SPTBN4: variants seen among roughly 807,000 people sequenced by gnomAD.
The protein encoded by SPTBN4 is spectrin beta, non-erythrocytic 4, also known as spectrin beta chain, non-erythrocytic 4.
A neutral mutation model predicts 277.8 loss-of-function variants in SPTBN4; 96 were observed. The observed-to-expected ratio is 0.35, with a 90% CI of 0.29 to 0.41. The LOEUF (loss-of-function observed/expected upper bound fraction) is 0.41, where lower values mean the gene tolerates loss of function less well. Ranked by LOEUF, SPTBN4 falls within the 10% of genes least tolerant of loss-of-function variation. SPTBN4 has a pLI of 1.00. For missense variants in SPTBN4, 3,006 were observed against 3,595.7 expected (o/e 0.84, Z 4.19); for synonymous variants, 1,481 against 1,580.3 (o/e 0.94, Z 1.49).
intron 20 of SPTBN4, among the ~76,000 whole-genome samples, chr19:40,537,617 G>A (rs1357681554): frequency 1.3e-5 from 2 of 152,054 alleles, no homozygotes; most frequent in Non-Finnish European, 2.9e-5. Context: ...GCCCCATGAG[G>A]GAGGTCCTGT....
At position 40,502,365 on chromosome 19, in the gene SPTBN4, G is replaced by A. The variant is rs759286474; in HGVS notation, c.1086-25G>A. On this transcript the variant is annotated intron_variant, in intron 9 of 35. Coordinates refer to ENST00000598249, the MANE Select transcript of SPTBN4 (RefSeq NM_020971.3). The surrounding 1 kb of genome is among the most constrained non-coding windows in gnomAD (Gnocchi z 4.9). Reference sequence around the variant, plus strand: ...GTGGGCAGGGGTGGCATGACGGCAGGGCTCCTGAGCTCATGCCCCTTCAGG... The same window carrying A: ...GTGGGCAGGGGTGGCATGACGGCAGAGCTCCTGAGCTCATGCCCCTTCAGG... 6.2e-7 allele frequency: 1 copy of A among 1,609,578 alleles called. No individual in the cohort carries two copies. The highest frequency in any genetic ancestry group is 8.5e-7 in the Non-Finnish European group (1 of 1,177,376).
chr19:40,492,883 C>A, intron 4 of SPTBN4, 80 bp from the exon 5 acceptor site: 1 of 1,265,004 alleles, frequency 7.9e-7, no homozygotes, highest in Non-Finnish European at 1.1e-6. Flanking sequence ...GCCACCTTCT[C>A]TGGTAGCAGA....
At position 40,513,128 on chromosome 19, in the gene SPTBN4, C is replaced by T; in HGVS notation, c.2339C>T (p.Ala780Val). 6.7e-7 allele frequency: 1 copy of T among 1,487,004 alleles called. No homozygotes were observed. Among genetic ancestry groups the T allele is most frequent in the Non-Finnish European group, 8.9e-7 (1 of 1,127,618 alleles). 92.1% of individuals were successfully genotyped at this position (1,487,004 alleles called of 1,614,324 possible). A position where few individuals can be genotyped will look rare whatever the true frequency, so the allele number is the denominator to read the frequency against. ...QEARALHQFG[A>V]DLDGLLDWLR... is the part of the protein sequence containing the mutation. ...GCGCGGGCGCTGCACCAGTTCGGCG[C>T]TGACCTCGACGGGCTGCTGGACTGG... Residue 780 changes from alanine (A) to valine (V), a missense_variant, in exon 14 of 36, where the codon GCT becomes GTT. Coordinates refer to ENST00000598249, the MANE Select transcript of SPTBN4 (RefSeq NM_020971.3).
chr19:40,508,236 T>C (rs979144911), intron 13 of SPTBN4, among the ~76,000 whole-genome samples: 6 of 152,192 alleles, frequency 3.9e-5, no homozygotes, highest in African/African-American at 1.4e-4. Flanking sequence ...TGGATGCTGA[T>C]AGGCAAAACC....
chr19:40,483,840 T>C (rs565154068), intron 2 of SPTBN4, among the ~76,000 whole-genome samples: 2 of 152,314 alleles, frequency 1.3e-5, no homozygotes, highest in African/African-American at 4.8e-5. Flanking sequence ...TCTGTACTAA[T>C]AACTGGCCAG....
At position 40,554,470 on chromosome 19, in the gene SPTBN4, C is replaced by T. The variant is rs2080954565; in HGVS notation, c.4953+45C>T. Reference sequence around the variant, plus strand: ...GCGGAGGGCCTGGGGGCGCTGGAGCCGGGGGCCGCCGCTGCCGCCTCATCG... The same window carrying T: ...GCGGAGGGCCTGGGGGCGCTGGAGCTGGGGGCCGCCGCTGCCGCCTCATCG... On this transcript the variant is annotated intron_variant, in intron 23 of 35. Transcript: ENST00000598249. The surrounding 1 kb of genome is among the most constrained non-coding windows in gnomAD (Gnocchi z 5.7). 3 of 1,488,670 alleles carry T rather than the reference C, an allele frequency of 2.0e-6. No homozygotes were observed. The highest frequency in any genetic ancestry group is 2.8e-5 in the African/African-American group (2 of 71,192). 92.2% of individuals were successfully genotyped at this position (1,488,670 alleles called of 1,614,324 possible). A position where few individuals can be genotyped will look rare whatever the true frequency, so the allele number is the denominator to read the frequency against.
intron 22 of SPTBN4, among the ~76,000 whole-genome samples, chr19:40,551,214 CAACA>C (rs755974456): frequency 3.0e-4 from 46 of 152,232 alleles, no homozygotes; most frequent in East Asian, 2.9e-3. Context: ...AGTAAAACAA[CAACA>C]AACAAAATCA....
Position 40,513,438 on chromosome 19 carries a change from C to T in SPTBN4, c.2649C>T (p.Val883=). 6.2e-7 allele frequency: 1 copy of T among 1,604,636 alleles called. No homozygotes were observed. Among genetic ancestry groups the T allele is most frequent in the Non-Finnish European group, 8.5e-7 (1 of 1,178,448 alleles). Residue 883 remains valine (V), a synonymous_variant, in exon 14 of 36, where the codon GTC becomes GTT. Coordinates refer to ENST00000598249, the MANE Select transcript of SPTBN4 (RefSeq NM_020971.3). ...AGTGGCTGCGGGACGCGCTCGCTGTCTACCGCATGTTTGGCGAGGTGCACG... is the reference window on the plus strand; with the variant it reads ...AGTGGCTGCGGGACGCGCTCGCTGTTTACCGCATGTTTGGCGAGGTGCACG... ...RRQWLRDALA[V]YRMFGEVHAC... is the part of the protein sequence containing the mutation.
chr19:40,544,430 T>C (rs2080836450), intron 20 of SPTBN4, among the ~76,000 whole-genome samples: 2 of 146,288 alleles, frequency 1.4e-5, no homozygotes, highest in South Asian at 4.3e-4. Context: ...GCATGAGCCA[T>C]TGTGCCCGGC....
intron 30 of SPTBN4, 32 bp downstream of exon 30, chr19:40,566,391 C>G: frequency 6.8e-7 from 1 of 1,472,900 alleles, no homozygotes; most frequent in Non-Finnish European, 9.0e-7. Flanking sequence ...CCATTACCCC[C>G]ACCCCCACCA....
rs778381509 is a variant in SPTBN4, at chr19:40,520,157, C to T, written c.3654+6C>T. The T allele has an allele frequency of 5.0e-6, 7 of 1,402,602 alleles. No homozygotes were observed. The highest frequency in any genetic ancestry group is 6.5e-6 in the Non-Finnish European group (7 of 1,077,978). The allele number at this position is 1,402,602 out of a possible 1,614,324, so 86.9% of individuals were successfully genotyped here. A position where few individuals can be genotyped will look rare whatever the true frequency, so the allele number is the denominator to read the frequency against. On this transcript the variant is annotated splice_donor_region_variant and intron_variant, in intron 16 of 35. Coordinates refer to ENST00000598249, the MANE Select transcript of SPTBN4 (RefSeq NM_020971.3). Reference sequence around the variant, plus strand: ...TCGTGGTGCTGCGTAACCAGGTGCCCACTCGGGGTGTACATTTCGGAGAGG... The same window carrying T: ...TCGTGGTGCTGCGTAACCAGGTGCCTACTCGGGGTGTACATTTCGGAGAGG...
intron 20 of SPTBN4, among the ~76,000 whole-genome samples, chr19:40,542,316 G>A (rs981804541): frequency 2.6e-5 from 4 of 152,000 alleles, no homozygotes; most frequent in Non-Finnish European, 5.9e-5. Flanking sequence ...TACCACACCC[G>A]CTGCTGCAGC....
intron 2 of SPTBN4, among the ~76,000 whole-genome samples, chr19:40,480,886 G>T (rs1214120353): frequency 6.6e-6 from 1 of 151,994 alleles, no homozygotes; most frequent in Non-Finnish European, 1.5e-5. Flanking sequence ...AATACAGTGA[G>T]ACCCCATTTC....
rs955560712 is a variant in SPTBN4 at position 40,554,339 on chromosome 19, G to T, written c.4867G>T (p.Val1623Leu). 6.4e-7 allele frequency: 1 copy of T among 1,569,814 alleles called. No individual in the cohort carries two copies. Residue 1623 changes from valine to leucine, a missense_variant, in exon 23 of 36, where the codon GTG (valine) becomes TTG (leucine). Around this residue, in one of 5 missense-constraint regions of SPTBN4, gnomAD observed 1,759 missense variants for 2,061.5 expected, o/e 0.85. Coordinates refer to ENST00000598249, the MANE Select transcript of SPTBN4 (RefSeq NM_020971.3). The surrounding 1 kb of genome is among the most constrained non-coding windows in gnomAD (Gnocchi z 5.7). ...RQQVLDAAFQ[V>L]EQYYFDVAEV... The stretch of plus-strand genomic sequence containing the variant: ...GCAGGTGCTGGACGCCGCCTTCCAG[G>T]TGGAGCAGTACTACTTCGACGTGGC...
intron 6 of SPTBN4, among the ~76,000 whole-genome samples, chr19:40,496,628 A>G (rs1245928184): frequency 6.6e-6 from 1 of 152,212 alleles, no homozygotes; most frequent in Non-Finnish European, 1.5e-5. Flanking sequence ...ACCAAAGCAC[A>G]GAGAAACGCA....
At chr19:40,559,161 C>T (rs1458560981) in intron 26 of SPTBN4, among the ~76,000 whole-genome samples, 1 of 151,988 alleles carries the variant, frequency 6.6e-6, no homozygotes, top group African/African-American at 2.4e-5. Context: ...AACTCCTGAC[C>T]TCAAGTGATC....
Position 40,569,936 on chromosome 19 carries a change from C to CACACACA in SPTBN4, c.7026+210_7026+211insACACACA, listed in dbSNP as rs2081133937. On this transcript the variant is annotated intron_variant, in intron 32 of 35. Coordinates refer to ENST00000598249, the MANE Select transcript of SPTBN4 (RefSeq NM_020971.3). The stretch of plus-strand genomic sequence containing the variant: ...TACCTAAGAGACCCCTACTGCCCCT[C>CACACACA]CACACACACACACACACACACACAC... Among the ~76,000 whole-genome samples, 162 of 131,578 alleles carry CACACACA rather than the reference C, an allele frequency of 1.2e-3. 2 individuals carry two copies. The highest frequency in any genetic ancestry group is 4.4e-3 in the African/African-American group (147 of 33,754). 86.3% of individuals were successfully genotyped at this position (131,578 alleles called of 152,430 possible). A position where few individuals can be genotyped will look rare whatever the true frequency, so the allele number is the denominator to read the frequency against.
intron 3 of SPTBN4, 73 bp downstream of exon 3, chr19:40,487,921 G>T: frequency 6.8e-7 from 1 of 1,467,038 alleles, no homozygotes; most frequent in Non-Finnish European, 9.0e-7. Context: ...TTCTCTGGAA[G>T]GGCTGAACTG....
intron 35 of SPTBN4, among the ~76,000 whole-genome samples, chr19:40,574,533 T>G (rs1027204342): frequency 6.6e-6 from 1 of 151,906 alleles, no homozygotes; most frequent in Admixed American, 6.6e-5. Flanking sequence ...GGCTAATTTA[T>G]GTATTTTTAG....
Sources: allele counts gnomAD v4.1 joint callset (sites outside exome capture counted in the v4.1 genomes callset), GRCh38; gene constraint gnomAD v4.1.1; regional missense constraint gnomAD v4.1.1; non-coding constraint Gnocchi (gnomAD v3.1); transcripts MANE v1.5; gene names NCBI Gene and HGNC (gene_info 2026-07-23, HGNC 2026-07-21).